Variants in HNRNPC observed in about 807,000 individuals in gnomAD.
The protein encoded by HNRNPC is heterogeneous nuclear ribonucleoproteins C1/C2.
Under a neutral mutation model 33.2 loss-of-function variants are expected in HNRNPC, and 3 were observed. That is an observed-to-expected ratio of 0.09 (90% CI 0.04 to 0.23). HNRNPC has a LOEUF of 0.23. Among genes scored for constraint, HNRNPC ranks in the 10% least tolerant of loss-of-function variants. The pLI is 1.00. For synonymous variants in HNRNPC, 121 were observed against 126.7 expected (o/e 0.96, Z 0.30); for missense variants, 143 against 366.7 (o/e 0.39, Z 4.98).
intron 8 of HNRNPC, 26 bp downstream of exon 8, chr14:21,211,380 T>C: frequency 7.4e-7 from 1 of 1,354,118 alleles, no homozygotes; most frequent in Non-Finnish European, 9.8e-7. Context: ...CCACCACCTT[T>C]TTCTTTCCTT....
chr14:21,212,102 G>C, intron 6 of HNRNPC, 179 bp from the exon 7 acceptor site: 1 of 563,176 alleles, frequency 1.8e-6, no homozygotes, highest in Non-Finnish European at 3.2e-6. Flanking sequence ...TTCTGTAATG[G>C]TTTTTATTGT....
At chr14:21,241,103 T>C (rs918002390) in intron 2 of HNRNPC, among the ~76,000 whole-genome samples, 5 of 151,876 alleles carry the variant, frequency 3.3e-5, no homozygotes, top group Admixed American at 6.6e-5. Flanking sequence ...ACCCTGTCTC[T>C]ACTAAAGACA....
chr14:21,266,827 A>G (rs898611057), intron 1 of HNRNPC, among the ~76,000 whole-genome samples: 1 of 152,070 alleles, frequency 6.6e-6, no homozygotes, highest in Non-Finnish European at 1.5e-5. Flanking sequence ...GCGGTGGCTC[A>G]CGCCTGTAAT....
At chr14:21,263,703 T>C (rs1398471298) in intron 1 of HNRNPC, 1 of 152,062 alleles carries the variant, frequency 6.6e-6, no homozygotes, top group Non-Finnish European at 1.5e-5. Context: ...AGTTGCATCA[T>C]TATGTTTAAA....
rs1284488942 is a variant in HNRNPC, at chr14:21,211,228, AGTCATCCTCGCCATTGGCGCTGTCTCT to A, written c.850_876del (p.Arg284_Asp292del). The A allele has an allele frequency of 6.2e-7, 1 of 1,613,760 alleles. No homozygotes were observed. The highest frequency in any genetic ancestry group is 1.3e-5 in the African/African-American group (1 of 74,886). ...TTCTAAACCCCACTATGTGCTTAAG[AGTCATCCTCGCCATTGGCGCTGTCTCT>A]GTCATCCTCTCCTTCCTCAGCCTCT... On this transcript the variant is annotated inframe_deletion, in exon 9 of 9. Coordinates refer to ENST00000553300, the MANE Select transcript of HNRNPC (RefSeq NM_004500.4).
intron 5 of HNRNPC, among the ~76,000 whole-genome samples, chr14:21,214,599 A>G (rs1446204280): frequency 1.3e-5 from 2 of 152,130 alleles, no homozygotes; most frequent in Non-Finnish European, 2.9e-5. Context: ...AAACAGAAAA[A>G]AGTTTGCATT....
chr14:21,262,203 T>C (rs886789823), intron 2 of HNRNPC, among the ~76,000 whole-genome samples: 1 of 152,102 alleles, frequency 6.6e-6, no homozygotes, highest in African/African-American at 2.4e-5. Context: ...ATTAATGAGA[T>C]AAAAAGTCTA....
At chr14:21,211,710 T>C in intron 7 of HNRNPC, 100 bp downstream of exon 7, 3 of 1,417,050 alleles carry the variant, frequency 2.1e-6, no homozygotes, top group South Asian at 1.2e-5. Context: ...CCAAGTTTCA[T>C]ATTACATTGC....
At chr14:21,242,781 T>A (rs1165041671) in intron 2 of HNRNPC, among the ~76,000 whole-genome samples, 9 of 152,216 alleles carry the variant, frequency 5.9e-5, no homozygotes, top group Non-Finnish European at 1.5e-5. Flanking sequence ...CACCTACGCA[T>A]TATTCTCACC....
intron 8 of HNRNPC, 29 bp downstream of exon 8, chr14:21,211,377 C>G (rs1891575278): frequency 6.5e-7 from 1 of 1,538,832 alleles, no homozygotes; most frequent in South Asian, 1.1e-5. Flanking sequence ...CCTCCACCAC[C>G]TTTTTCTTTC....
intron 2 of HNRNPC, among the ~76,000 whole-genome samples, chr14:21,254,933 CAAAAAA>C (rs78136622): frequency 7.5e-6 from 1 of 133,090 alleles, no homozygotes; most frequent in Non-Finnish European, 1.6e-5. Context: ...AAAAAAAAAA[CAAAAAA>C]AAAAACCAGA....
intron 2 of HNRNPC, among the ~76,000 whole-genome samples, chr14:21,256,962 T>C (rs1877328119): frequency 6.6e-6 from 1 of 152,068 alleles, no homozygotes; most frequent in Admixed American, 6.6e-5. Flanking sequence ...CCAACATGAT[T>C]TTCTAATAGG....
At chr14:21,227,529 CT>C (rs1228367163) in intron 5 of HNRNPC, among the ~76,000 whole-genome samples, 3 of 152,286 alleles carry the variant, frequency 2.0e-5, no homozygotes, top group South Asian at 2.1e-4. Context: ...TGCGGTTTTG[CT>C]TTTTACCGTT....
intron 2 of HNRNPC, among the ~76,000 whole-genome samples, chr14:21,257,488 C>T (rs754281125): frequency 6.6e-6 from 1 of 151,788 alleles, no homozygotes; most frequent in Non-Finnish European, 1.5e-5. Flanking sequence ...TTAATGCATC[C>T]GTCTCCGTGG....
At chr14:21,249,898 C>G (rs1302041561) in intron 2 of HNRNPC, among the ~76,000 whole-genome samples, 1 of 152,010 alleles carries the variant, frequency 6.6e-6, no homozygotes, top group Non-Finnish European at 1.5e-5. Flanking sequence ...AATGCTTTAC[C>G]TAGGTTAAGA....
rs527873941 is a variant in HNRNPC at position 21,209,337 on chromosome 14, T to C, written c.*1886A>G. On this transcript the variant is annotated 3_prime_UTR_variant, in exon 9 of 9. Transcript: ENST00000553300. Reference sequence around the variant, plus strand: ...AGTGAAGGGAAAAGTAGACACTTGATTGTGGACTAATTTGTTCAGTATTTC... The same window carrying C: ...AGTGAAGGGAAAAGTAGACACTTGACTGTGGACTAATTTGTTCAGTATTTC... The C allele has an allele frequency of 6.6e-6, 1 of 152,306 alleles. No individual in the cohort carries two copies. Among genetic ancestry groups the C allele is most frequent in the South Asian group, 2.1e-4 (1 of 4,826 alleles). The allele number at this position is 152,306 out of a possible 1,614,324, so 9.4% of individuals were successfully genotyped here. A position where few individuals can be genotyped will look rare whatever the true frequency, so the allele number is the denominator to read the frequency against.
intron 1 of HNRNPC, among the ~76,000 whole-genome samples, chr14:21,265,830 T>A (rs1158378677): frequency 6.6e-6 from 1 of 152,160 alleles, no homozygotes; most frequent in Non-Finnish European, 1.5e-5. Context: ...AAAAAGTATC[T>A]CTAGGTTATT....
At chr14:21,262,756 A>G (rs1238815156) in intron 2 of HNRNPC, 2 of 152,284 alleles carry the variant, frequency 1.3e-5, no homozygotes, top group Non-Finnish European at 2.9e-5. Flanking sequence ...CAAGGGAAAC[A>G]GGAGGAAGAT....
chr14:21,247,260 A>T (rs1896084620), intron 2 of HNRNPC, among the ~76,000 whole-genome samples: 1 of 152,300 alleles, frequency 6.6e-6, no homozygotes, highest in Middle Eastern at 3.4e-3. Flanking sequence ...CATAATCACT[A>T]AAGATCACAT....
Sources: allele counts gnomAD v4.1 joint callset (sites outside exome capture counted in the v4.1 genomes callset), GRCh38; gene constraint gnomAD v4.1.1; transcripts MANE v1.5; gene names NCBI Gene and HGNC (gene_info 2026-07-23, HGNC 2026-07-21).